BCAR1: variants seen among roughly 807,000 people sequenced by gnomAD.
The protein encoded by BCAR1 is BCAR1 scaffold protein, Cas family member.
In BCAR1, 30 loss-of-function variants were observed where a neutral mutation model predicts 67.6. That is an observed-to-expected ratio of 0.44 (90% CI 0.33 to 0.60). BCAR1 has a LOEUF of 0.60. Ranked by LOEUF, BCAR1 falls within the 20% of genes least tolerant of loss-of-function variation. The pLI is 0.02. For synonymous variants in BCAR1, 626 were observed against 556.7 expected (o/e 1.12, Z -1.75); for missense variants, 1,313 against 1,222.3 (o/e 1.07, Z -1.11).
chr16:75,244,641 C>G (rs1014059869), intron 1 of BCAR1, among the ~76,000 whole-genome samples: 3 of 152,192 alleles, frequency 2.0e-5, no homozygotes, highest in Non-Finnish European at 2.9e-5. Flanking sequence ...TTCTCCAGAG[C>G]AGCTAGGAGC....
Position 75,235,143 on chromosome 16 carries a change from C to T in BCAR1, c.1756G>A (p.Val586Met). The change falls in exon 5 of 7, where the codon GTG becomes ATG. Residue 586 changes from valine to methionine, a missense_variant. Coordinates refer to ENST00000162330, the MANE Select transcript of BCAR1 (RefSeq NM_014567.5). ...GCCAGCTGCTTGGCGTCCTCGGGCACAGCCCGCGAGCAGGCCACCAGCCGG... is the reference window on the plus strand; with the variant it reads ...GCCAGCTGCTTGGCGTCCTCGGGCATAGCCCGCGAGCAGGCCACCAGCCGG... Reference protein sequence around the residue: ...LDRLVACSRAVPEDAKQLASF... With the variant: ...LDRLVACSRAMPEDAKQLASF... 1 of 1,609,132 alleles carries T rather than the reference C, an allele frequency of 6.2e-7. No individual in the cohort carries two copies. The highest frequency in any genetic ancestry group is 1.3e-5 in the African/African-American group (1 of 75,058).
At chr16:75,255,877 G>A (rs1486140266), upstream of BCAR1, among the ~76,000 whole-genome samples, 1 of 152,166 alleles carries the variant, frequency 6.6e-6, no homozygotes, top group Non-Finnish European at 1.5e-5. Context: ...TGTAATCCCA[G>A]CTACTCAGGA....
chr16:75,267,278 T>G (rs60664927), intron 1 of BCAR1, among the ~76,000 whole-genome samples: 16,188 of 151,780 alleles, frequency 0.11, 1,833 homozygotes, highest in African/African-American at 0.29. Context: ...CCTGCTCCAG[T>G]AGAGTATGGT....
chr16:75,239,420 C>CT (rs1392949813), intron 2 of BCAR1, among the ~76,000 whole-genome samples: 6 of 152,152 alleles, frequency 3.9e-5, no homozygotes, highest in Non-Finnish European at 8.8e-5. Flanking sequence ...TGCCGCCCCT[C>CT]TCCTCCCCTA....
rs372888788 is a variant in BCAR1 at position 75,235,216 on chromosome 16, G to A, written c.1683C>T (p.Ala561=). 7 of 1,607,568 alleles carry A rather than the reference G, an allele frequency of 4.4e-6. No individual in the cohort carries two copies. The highest frequency in any genetic ancestry group is 5.9e-6 in the Non-Finnish European group (7 of 1,177,114). The change falls in exon 5 of 7, where the codon GCC becomes GCT. Residue 561 remains alanine (A), a synonymous_variant. Transcript: ENST00000162330. The stretch of plus-strand genomic sequence containing the variant: ...CAGAGCCTCCCCGGCCAGCGTCGAG[G>A]GCCTGACCATGTGCCACCAGCGTCT... ...VHQTLVAHGQ[A]LDAGRGGSGA... is the part of the protein sequence containing the mutation.
intron 1 of BCAR1, chr16:75,264,532 G>C: frequency 7.1e-7 from 1 of 1,399,666 alleles, no homozygotes; most frequent in Non-Finnish European, 9.3e-7. Flanking sequence ...AAGACGAGAC[G>C]ATTATGCTCT....
chr16:75,236,077 C>A, intron 4 of BCAR1, 91 bp from the exon 5 acceptor site: 2 of 1,427,036 alleles, frequency 1.4e-6, no homozygotes, highest in Non-Finnish European at 1.9e-6. Context: ...CACACACACA[C>A]GTACACACAT....
chr16:75,230,871 C>A (rs1246783290), intron 6 of BCAR1, among the ~76,000 whole-genome samples: 2 of 152,196 alleles, frequency 1.3e-5, no homozygotes, highest in South Asian at 2.1e-4. Context: ...GAGATACATA[C>A]TCCGCTTTTT....
intron 1 of BCAR1, among the ~76,000 whole-genome samples, chr16:75,261,798 G>A (rs1275354649): frequency 6.6e-6 from 1 of 152,234 alleles, no homozygotes; most frequent in African/African-American, 2.4e-5. Context: ...AGGGGCAGAG[G>A]CCAATCAGCC....
intron 1 of BCAR1, chr16:75,250,538 G>C (rs2077647775): frequency 1.4e-6 from 1 of 717,632 alleles, no homozygotes; most frequent in Non-Finnish European, 1.7e-6. Context: ...ACTCTCAGGA[G>C]GGAACGGGAG....
chr16:75,235,991 G>T lies in BCAR1; in HGVS notation c.913-5C>A. ...CGATGGAGGAACGTCGTAGACCTGGGGGACAAGCGGTGGTCAAGACTGTCC... is the reference window on the plus strand; with the variant it reads ...CGATGGAGGAACGTCGTAGACCTGGTGGACAAGCGGTGGTCAAGACTGTCC... On this transcript the variant is annotated splice_polypyrimidine_tract_variant and splice_region_variant and intron_variant, in intron 4 of 6. Coordinates refer to ENST00000162330, the MANE Select transcript of BCAR1 (RefSeq NM_014567.5). The T allele has an allele frequency of 6.4e-7, 1 of 1,564,990 alleles. No homozygotes were observed. Among genetic ancestry groups the T allele is most frequent in the East Asian group, 2.3e-5 (1 of 42,608 alleles).
chr16:75,232,862 C>A (rs894473157), intron 6 of BCAR1, among the ~76,000 whole-genome samples: 1 of 152,226 alleles, frequency 6.6e-6, no homozygotes, highest in Non-Finnish European at 1.5e-5. Flanking sequence ...GCCTCTGCCA[C>A]CTCCTTGGTG....
chr16:75,264,223 C>T (rs1283087386), intron 1 of BCAR1: 8 of 1,362,678 alleles, frequency 5.9e-6, no homozygotes, highest in African/African-American at 1.5e-5. Flanking sequence ...ATCCCAGACT[C>T]CATGCCCAGA....
chr16:75,236,079 T>C (rs1597189461), intron 4 of BCAR1, 93 bp from the exon 5 acceptor site: 12 of 1,208,422 alleles, frequency 9.9e-6, no homozygotes, highest in East Asian at 2.9e-5. Context: ...CACACACACG[T>C]ACACACATAC....
At chr16:75,237,545 G>C in intron 2 of BCAR1, 1 of 601,118 alleles carries the variant, frequency 1.7e-6, no homozygotes. Flanking sequence ...GGTACGGCAA[G>C]AACTCTGGGT....
Position 75,235,713 on chromosome 16 carries a change from G to T in BCAR1, c.1186C>A (p.Pro396Thr), listed in dbSNP as rs763231803. ...LYDVPRERVL[P>T]PEVADGGVVD... ...ACGCCACCATCAGCCACCTCAGGAG[G>T]AAGCACCCGTTCACGGGGCACATCG... Residue 396 changes from proline to threonine, a missense_variant, in exon 5 of 7, where the codon CCT becomes ACT. Pro to Thr is a conservative substitution (Grantham distance 38, BLOSUM62 -1). Transcript: ENST00000162330. 3.7e-6 allele frequency: 6 copies of T among 1,609,582 alleles called. No individual in the cohort carries two copies. The African/African-American group carries it at 6.7e-5, about 18-fold the overall frequency.
intron 1 of BCAR1, 21 bp from the exon 2 acceptor site, chr16:75,243,111 T>C (rs1344184285): frequency 6.4e-7 from 1 of 1,562,890 alleles, no homozygotes; most frequent in African/African-American, 1.4e-5. Flanking sequence ...AGGACACAGG[T>C]GTGAGAACAG....
Position 75,235,505 on chromosome 16 carries a change from C to T in BCAR1, c.1394G>A (p.Arg465Gln), listed in dbSNP as rs200175369. The part of the protein sequence containing the change: ...ELEVAVEALA[R>Q]LQQGVSATVA... Reference sequence around the variant, plus strand: ...GGTGGCGCTCACACCCTGCTGCAGCCGTGCCAGGGCCTCCACAGCAACTTC... The same window carrying T: ...GGTGGCGCTCACACCCTGCTGCAGCTGTGCCAGGGCCTCCACAGCAACTTC... Residue 465 changes from arginine to glutamine, a missense_variant, in exon 5 of 7, where the codon CGG (arginine) becomes CAG (glutamine). By Grantham distance (43) the Arg-to-Gln change is conservative. Around this residue, in one of 2 missense-constraint regions of BCAR1, gnomAD observed 1,272 missense variants for 1,137.5 expected, o/e 1.12. Coordinates refer to ENST00000162330, the MANE Select transcript of BCAR1 (RefSeq NM_014567.5). The T allele has an allele frequency of 5.0e-6, 8 of 1,597,538 alleles. No homozygotes were observed. Among genetic ancestry groups the T allele is most frequent in the Non-Finnish European group, 5.1e-6 (6 of 1,173,062 alleles).
At chr16:75,267,440 AGG>A (rs1419412770) in intron 1 of BCAR1, among the ~76,000 whole-genome samples, 11 of 149,976 alleles carry the variant, frequency 7.3e-5, no homozygotes, top group African/African-American at 2.8e-4. Flanking sequence ...ACCTCCTCAA[AGG>A]GCGCTCTGTG....
Sources: allele counts gnomAD v4.1 joint callset (sites outside exome capture counted in the v4.1 genomes callset), GRCh38; gene constraint gnomAD v4.1.1; regional missense constraint gnomAD v4.1.1; transcripts MANE v1.5; gene names NCBI Gene and HGNC (gene_info 2026-07-23, HGNC 2026-07-21).